The following PKNOX2 variants were observed in gnomAD, a reference collection of about 807,000 sequenced individuals.
The protein encoded by PKNOX2 is PBX/knotted 1 homeobox 2.
PKNOX2 carries 14 observed loss-of-function variants against 53.1 expected under a neutral mutation model. That is an observed-to-expected ratio of 0.26 (90% CI 0.17 to 0.41). PKNOX2 has a LOEUF of 0.41. Ranked by LOEUF, PKNOX2 falls within the 10% of genes least tolerant of loss-of-function variation. The pLI, the probability that PKNOX2 is intolerant of heterozygous loss-of-function variation, is 1.00. For missense variants in PKNOX2, 496 were observed against 602.8 expected (o/e 0.82, Z 1.85); for synonymous variants, 257 against 242.8 (o/e 1.06, Z -0.54).
At chr11:125,178,010 G>A (rs1224211888) in intron 1 of PKNOX2, among the ~76,000 whole-genome samples, 1 of 152,240 alleles carries the variant, frequency 6.6e-6, no homozygotes, top group African/African-American at 2.4e-5. Context: ...TTTTGACATT[G>A]AGCGAGGTAT....
At chr11:125,302,441 G>C (rs1215958830) in intron 2 of PKNOX2, among the ~76,000 whole-genome samples, 1 of 152,138 alleles carries the variant, frequency 6.6e-6, no homozygotes, top group Non-Finnish European at 1.5e-5. Context: ...CCCACCTTCG[G>C]GCTGCACACT....
At chr11:125,235,510 C>T (rs1183428997) in intron 2 of PKNOX2, among the ~76,000 whole-genome samples, 2 of 152,236 alleles carry the variant, frequency 1.3e-5, no homozygotes, top group East Asian at 3.8e-4. Flanking sequence ...AGTTTATAGC[C>T]TGCACTTGCT....
At chr11:125,177,301 G>A (rs1332985568) in intron 1 of PKNOX2, among the ~76,000 whole-genome samples, 1 of 149,684 alleles carries the variant, frequency 6.7e-6, no homozygotes, top group African/African-American at 2.4e-5. Context: ...GCGAGGAGAG[G>A]CAGCGGGGGA....
Position 125,417,764 on chromosome 11 carries a change from C to T in PKNOX2, c.936+5899C>T, listed in dbSNP as rs183318888. Among the ~76,000 whole-genome samples the T allele has an allele frequency of 4.3e-4, 65 of 152,122 alleles. 2 individuals are homozygous for T. Among genetic ancestry groups the T allele is most frequent in the African/African-American group, 1.4e-3 (58 of 41,382 alleles). ...TGTAGAGATTTTACATGTCCAGTCC[C>T]GGTCTTCAGACCTCACAGCGATGCT... On this transcript the variant is annotated intron_variant, in intron 10 of 12. Transcript: ENST00000298282.
At chr11:125,406,189 C>G (rs569975277) in intron 7 of PKNOX2, among the ~76,000 whole-genome samples, 15 of 152,216 alleles carry the variant, frequency 9.9e-5, no homozygotes, top group Non-Finnish European at 2.1e-4. Flanking sequence ...GTGCTCCCCA[C>G]GGGGTTTCCA....
intron 1 of PKNOX2, among the ~76,000 whole-genome samples, chr11:125,211,246 T>C (rs1353119386): frequency 6.6e-6 from 1 of 152,110 alleles, no homozygotes; most frequent in Non-Finnish European, 1.5e-5. Context: ...TGCAGCTTCC[T>C]ACTTCGGAGT....
At chr11:125,353,949 G>A (rs2136214225) in intron 4 of PKNOX2, among the ~76,000 whole-genome samples, 1 of 152,260 alleles carries the variant, frequency 6.6e-6, no homozygotes, top group Middle Eastern at 3.4e-3. Context: ...GGGGAGCTGG[G>A]GGATGCCCCC....
chr11:125,395,069 C>T (rs1481796918), intron 6 of PKNOX2, among the ~76,000 whole-genome samples: 1 of 152,154 alleles, frequency 6.6e-6, no homozygotes, highest in Non-Finnish European at 1.5e-5. Flanking sequence ...GTTCCTCCCT[C>T]CCTCCTCCAC....
At chr11:125,380,552 ACACTCGG>A (rs1209785069) in intron 5 of PKNOX2, among the ~76,000 whole-genome samples, 3 of 152,148 alleles carry the variant, frequency 2.0e-5, no homozygotes, top group Non-Finnish European at 4.4e-5. Flanking sequence ...ATCATCATCG[ACACTCGG>A]CACTGGACAC....
intron 2 of PKNOX2, among the ~76,000 whole-genome samples, chr11:125,278,503 G>T (rs533027406): frequency 1.3e-5 from 2 of 152,326 alleles, no homozygotes; most frequent in Admixed American, 1.3e-4. Context: ...TCCCGATGAT[G>T]GCTCAGGCGA....
chr11:125,322,458 G>T (rs1282390318), intron 2 of PKNOX2, among the ~76,000 whole-genome samples: 1 of 152,126 alleles, frequency 6.6e-6, no homozygotes, highest in Non-Finnish European at 1.5e-5. Flanking sequence ...CCTCTCTTAT[G>T]CAGACACAGT....
intron 5 of PKNOX2, among the ~76,000 whole-genome samples, chr11:125,375,884 A>T (rs1018628792): frequency 6.6e-5 from 10 of 152,242 alleles, no homozygotes; most frequent in African/African-American, 9.6e-5. Context: ...GTGCAGGAGC[A>T]GGTTTGTTAT....
At chr11:125,343,690 T>G (rs1950826245) in intron 3 of PKNOX2, among the ~76,000 whole-genome samples, 1 of 152,204 alleles carries the variant, frequency 6.6e-6, no homozygotes, top group African/African-American at 2.4e-5. Flanking sequence ...AGCAGCTTTT[T>G]GAAGCCAGAA....
At chr11:125,261,996 C>G (rs1591502165) in intron 2 of PKNOX2, among the ~76,000 whole-genome samples, 1 of 152,250 alleles carries the variant, frequency 6.6e-6, no homozygotes, top group Non-Finnish European at 1.5e-5. Flanking sequence ...CAGGAGGGTG[C>G]GGGGATGCAG....
At chr11:125,196,742 C>G (rs12576201) in intron 1 of PKNOX2, among the ~76,000 whole-genome samples, 9,272 of 152,276 alleles carry the variant, frequency 0.061, 655 homozygotes, top group East Asian at 0.26. Context: ...TCCAATATCT[C>G]ATCCTTGTTA....
At chr11:125,335,895 A>G (rs1304482630) in intron 3 of PKNOX2, among the ~76,000 whole-genome samples, 1 of 152,188 alleles carries the variant, frequency 6.6e-6, no homozygotes, top group Non-Finnish European at 1.5e-5. Context: ...CAGATGGCCC[A>G]GGGCAGAGGA....
rs144348123 is a variant in PKNOX2 at position 125,304,488 on chromosome 11, G to A, written c.-129-27331G>A. Among the ~76,000 whole-genome samples the A allele has an allele frequency of 1.6e-4, 25 of 152,354 alleles. 2 individuals are homozygous for A. The highest frequency in any genetic ancestry group is 5.3e-4 in the African/African-American group (22 of 41,584). ...GCCTGAGAGGCACGGGAAGGGGCAC[G>A]TGGGAAGGGGAGGGCTCCCAGCCCG... On this transcript the variant is annotated intron_variant, in intron 2 of 12. Transcript: ENST00000298282.
intron 2 of PKNOX2, chr11:125,277,574 G>A (rs1946259316): frequency 6.6e-6 from 1 of 152,194 alleles, no homozygotes; most frequent in African/African-American, 2.4e-5. Context: ...GCAGCAAACA[G>A]ACCAAAACGG....
Position 125,295,047 on chromosome 11 carries a change from G to C in PKNOX2, c.-129-36772G>C, listed in dbSNP as rs1337080142. Among the ~76,000 whole-genome samples the C allele has an allele frequency of 2.6e-5, 4 of 152,310 alleles. No homozygotes were observed. The East Asian group carries it at 5.8e-4, about 22-fold the overall frequency. ...GGGTCAGTTTGGTGGTGGCCTTCTG[G>C]AGGGCTGGCCAGACAGTGAAGCTAG... On this transcript the variant is annotated intron_variant, in intron 2 of 12. Coordinates refer to ENST00000298282, the MANE Select transcript of PKNOX2 (RefSeq NM_001382323.2).
Sources: gnomAD v4.1 joint callset for allele counts (sites outside exome capture counted in the v4.1 genomes callset) on GRCh38, gnomAD v4.1.1 for gene constraint, MANE v1.5 for transcripts, NCBI Gene and HGNC (gene_info 2026-07-23, HGNC 2026-07-21) for gene names.